The following COBL variants were observed in gnomAD, a reference collection of about 807,000 sequenced individuals.
COBL encodes cordon-bleu WH2 repeat protein.
A neutral mutation model predicts 98.8 loss-of-function variants in COBL; 51 were observed. The ratio of observed to expected loss-of-function variants is 0.52; its 90% confidence interval spans 0.41 to 0.65. The LOEUF (loss-of-function observed/expected upper bound fraction) is 0.65. Ranked by LOEUF, COBL falls within the 30% of genes least tolerant of loss-of-function variation. The pLI is 0.00. For missense variants in COBL, 1,617 were observed against 1,617.5 expected, an observed-to-expected ratio of 1.00 and a Z score of 0.01; for synonymous variants, 634 against 651.7, an observed-to-expected ratio of 0.97 and a Z score of 0.41.
chr7:51,125,170 A>T (rs1289564926), intron 6 of COBL, among the ~76,000 whole-genome samples: 4 of 152,158 alleles, frequency 2.6e-5, no homozygotes, highest in African/African-American at 9.7e-5. Context: ...CTATATTTGG[A>T]GATGGGGCCT....
At chr7:51,228,246 A>C (rs1236329526) in intron 1 of COBL, among the ~76,000 whole-genome samples, 1 of 152,140 alleles carries the variant, frequency 6.6e-6, no homozygotes, top group Non-Finnish European at 1.5e-5. Flanking sequence ...GAACAGAGAG[A>C]GATTTCAGCT....
intron 2 of COBL, among the ~76,000 whole-genome samples, chr7:51,205,170 A>G (rs913990630): frequency 6.6e-6 from 1 of 152,230 alleles, no homozygotes; most frequent in African/African-American, 2.4e-5. Context: ...ACAATGCAAA[A>G]ACTCATAAAG....
At chr7:51,214,318 A>C (rs956585456) in intron 2 of COBL, among the ~76,000 whole-genome samples, 3 of 150,992 alleles carry the variant, frequency 2.0e-5, no homozygotes, top group Admixed American at 6.6e-5. Flanking sequence ...TAAATAAATA[A>C]AGACAATGCT....
chr7:51,177,729 T>G (rs1398075132), intron 5 of COBL, among the ~76,000 whole-genome samples: 1 of 151,226 alleles, frequency 6.6e-6, no homozygotes, highest in Non-Finnish European at 1.5e-5. Flanking sequence ...GCTGAGATCA[T>G]GCCACTGCAC....
At chr7:51,172,587 T>C (rs370786565) in intron 5 of COBL, 5 of 1,232,704 alleles carry the variant, frequency 4.1e-6, no homozygotes, top group South Asian at 4.0e-5. Context: ...ACAGAAAACA[T>C]AGTCCTTAGC....
At position 51,316,628 on chromosome 7, in the gene COBL, G is replaced by C; in HGVS notation, c.6C>G (p.Asp2Glu). ...GCTTGGCCGCCGAGGCGCGCGGCGC[G>C]TCCATGGTGCCGGGGGCCGGGACGC... M[D>E]APRASAAKPP... is the part of the protein sequence containing the mutation. Residue 2 changes from aspartate (D) to glutamate (E), a missense_variant, in exon 1 of 13, where the codon GAC becomes GAG. Physicochemically the swap from Asp to Glu is conservative, Grantham distance 45 (BLOSUM62 2). Around this residue, in one of 3 missense-constraint regions of COBL, gnomAD observed 238 missense variants for 215.0 expected, o/e 1.11. Transcript: ENST00000265136. 3 of 1,200,970 alleles carry C rather than the reference G, an allele frequency of 2.5e-6. No individual in the cohort carries two copies. Among genetic ancestry groups the C allele is most frequent in the Non-Finnish European group, 3.1e-6 (3 of 968,122 alleles). 74.4% of individuals were successfully genotyped at this position (1,200,970 alleles called of 1,614,324 possible). A position where few individuals can be genotyped will look rare whatever the true frequency, so the allele number is the denominator to read the frequency against.
chr7:51,183,463 A>G, intron 5 of COBL, among the ~76,000 whole-genome samples: 1 of 152,352 alleles, frequency 6.6e-6, no homozygotes, highest in Middle Eastern at 3.4e-3. Context: ...CTTATAATTA[A>G]TTATAAAAAT....
chr7:51,092,961 T>C (rs1190113107), intron 6 of COBL, among the ~76,000 whole-genome samples: 4 of 151,988 alleles, frequency 2.6e-5, no homozygotes, highest in Non-Finnish European at 5.9e-5. Flanking sequence ...CAGCATGCTA[T>C]ATAGTTTTCA....
intron 1 of COBL, among the ~76,000 whole-genome samples, chr7:51,258,037 A>G (rs1311218378): frequency 2.0e-5 from 3 of 152,228 alleles, no homozygotes; most frequent in Non-Finnish European, 4.4e-5. Context: ...TTGTTTGCTA[A>G]TTTTTAAATT....
At chr7:51,184,031 T>C (rs1304051052) in intron 5 of COBL, 71 bp downstream of exon 5, 51 of 733,354 alleles carry the variant, frequency 7.0e-5, no homozygotes, top group Admixed American at 1.3e-4. Flanking sequence ...CCAGGACAGG[T>C]TGAATGCATG....
intron 5 of COBL, among the ~76,000 whole-genome samples, chr7:51,178,016 C>T (rs1788568820): frequency 6.6e-6 from 1 of 151,574 alleles, no homozygotes; most frequent in Non-Finnish European, 1.5e-5. Flanking sequence ...CATGGTGGTT[C>T]GTGCCTGTCA....
At chr7:51,043,272 G>T in intron 8 of COBL, 111 bp downstream of exon 8, 1 of 1,047,998 alleles carries the variant, frequency 9.5e-7, no homozygotes, top group Non-Finnish European at 1.4e-6. Context: ...CGGGGCCCCT[G>T]GTGCAGAGCA....
intron 7 of COBL, among the ~76,000 whole-genome samples, chr7:51,051,704 C>G (rs1220029720): frequency 6.6e-6 from 1 of 152,232 alleles, no homozygotes; most frequent in Non-Finnish European, 1.5e-5. Flanking sequence ...CTATCAACAA[C>G]AGTCATGGGT....
chr7:51,205,751 A>AG (rs1290560909), intron 2 of COBL, among the ~76,000 whole-genome samples: 1 of 152,098 alleles, frequency 6.6e-6, no homozygotes, highest in Non-Finnish European at 1.5e-5. Context: ...TGTCCAGCAA[A>AG]GGAACAGTCA....
At chr7:51,172,375 G>T in intron 5 of COBL, 2 of 875,346 alleles carry the variant, frequency 2.3e-6, no homozygotes, top group South Asian at 1.6e-5. Context: ...ACCAGTCTGT[G>T]ATTTCACTAT....
chr7:51,156,352 T>G (rs184979517), intron 5 of COBL: 1 of 985,392 alleles, frequency 1.0e-6, no homozygotes. Flanking sequence ...TTATCTCAGT[T>G]TGAAGCTCAG....
chr7:51,259,158 T>C (rs779883522), intron 1 of COBL, among the ~76,000 whole-genome samples: 6 of 151,944 alleles, frequency 3.9e-5, no homozygotes, highest in African/African-American at 1.2e-4. Context: ...GCAGTGGCGA[T>C]TGCCTGTAAT....
At chr7:51,235,683 C>T (rs1255223560) in intron 1 of COBL, among the ~76,000 whole-genome samples, 6 of 152,200 alleles carry the variant, frequency 3.9e-5, no homozygotes, top group African/African-American at 1.4e-4. Context: ...CCCTGCACCA[C>T]AGGGCAGGTG....
At chr7:51,027,076 C>T (rs1220947847) in intron 10 of COBL, among the ~76,000 whole-genome samples, 1 of 152,230 alleles carries the variant, frequency 6.6e-6, no homozygotes, top group East Asian at 1.9e-4. Flanking sequence ...TGTGTGTTTA[C>T]ATCTTGCAGA....
Sources: gnomAD v4.1 joint callset for allele counts (sites outside exome capture counted in the v4.1 genomes callset) on GRCh38, gnomAD v4.1.1 for gene constraint, gnomAD v4.1.1 regional missense constraint, MANE v1.5 for transcripts, NCBI Gene and HGNC (gene_info 2026-07-23, HGNC 2026-07-21) for gene names.